The following XPNPEP3 variants were observed in gnomAD, a reference collection of about 807,000 sequenced individuals.
XPNPEP3 encodes X-prolyl aminopeptidase 3.
Under a neutral mutation model 60.0 loss-of-function variants are expected in XPNPEP3, and 41 were observed. The ratio of observed to expected loss-of-function variants is 0.68; its 90% CI spans 0.53 to 0.89. XPNPEP3 has a LOEUF of 0.89. Ranked by LOEUF, XPNPEP3 falls within the 40% of genes least tolerant of loss-of-function variation. XPNPEP3 has a pLI of 0.00. For synonymous variants in XPNPEP3, 212 were observed against 223.2 expected, an observed-to-expected ratio of 0.95 and a Z score of 0.45; for missense variants, 598 against 638.9, an observed-to-expected ratio of 0.94 and a Z score of 0.69.
chr22:40,897,082 A>T (rs975172063), intron 4 of XPNPEP3, among the ~76,000 whole-genome samples: 3 of 125,398 alleles, frequency 2.4e-5, no homozygotes, highest in African/African-American at 9.3e-5. Context: ...CCCAGGCTGG[A>T]GTGCAGTGGC....
rs762723165 is a variant in XPNPEP3, at chr22:40,861,891, T to G, written c.64+4646T>G. ...CTCTGCTTCTTCTTTATTTTCTGGA[T>G]TTTTATCAGGGTGCCATTTAAGTGC... On this transcript the variant is annotated intron_variant, in intron 1 of 9. Coordinates refer to ENST00000357137, the MANE Select transcript of XPNPEP3 (RefSeq NM_022098.4). 5 of 1,614,116 alleles carry G rather than the reference T, an allele frequency of 3.1e-6. No individual in the cohort carries two copies. In the South Asian group the frequency reaches 5.5e-5, roughly 18 times the overall value.
At chr22:40,886,643 G>C (rs1479042627) in intron 4 of XPNPEP3, 128 bp downstream of exon 4, 1 of 800,162 alleles carries the variant, frequency 1.2e-6, no homozygotes, top group East Asian at 2.9e-5. Flanking sequence ...GGCTAACATG[G>C]TGAAACCCCG....
chr22:40,907,468 C>T, intron 4 of XPNPEP3, 119 bp from the exon 5 acceptor site: 1 of 1,050,508 alleles, frequency 9.5e-7, no homozygotes, highest in Non-Finnish European at 1.5e-6. Flanking sequence ...TAGGTCACAA[C>T]TTCAGGCTGA....
chr22:40,864,746 G>C (rs2057969741), intron 1 of XPNPEP3, among the ~76,000 whole-genome samples: 2 of 152,064 alleles, frequency 1.3e-5, no homozygotes, highest in Non-Finnish European at 2.9e-5. Flanking sequence ...CACCCAGCTG[G>C]TCAGCTTCTT....
intron 4 of XPNPEP3, among the ~76,000 whole-genome samples, chr22:40,902,537 A>G (rs931128199): frequency 4.6e-5 from 7 of 151,960 alleles, no homozygotes; most frequent in Admixed American, 3.3e-4. Flanking sequence ...GGCATGAGCC[A>G]CCACACCCAG....
intron 2 of XPNPEP3, among the ~76,000 whole-genome samples, chr22:40,870,604 C>T (rs1305066968): frequency 6.6e-6 from 1 of 152,102 alleles, no homozygotes; most frequent in Non-Finnish European, 1.5e-5. Flanking sequence ...CCATTAGGTA[C>T]AGATTTTTCT....
intron 4 of XPNPEP3, among the ~76,000 whole-genome samples, chr22:40,903,736 C>T (rs1247900738): frequency 6.6e-6 from 1 of 152,194 alleles, no homozygotes; most frequent in East Asian, 1.9e-4. Flanking sequence ...TATCTACCTG[C>T]CTCAGCTTCC....
intron 7 of XPNPEP3, among the ~76,000 whole-genome samples, chr22:40,919,505 TA>T (rs2058208520): frequency 6.6e-6 from 1 of 152,136 alleles, no homozygotes; most frequent in Non-Finnish European, 1.5e-5. Flanking sequence ...GCTGGGATTA[TA>T]GGCACGTGCC....
intron 4 of XPNPEP3, among the ~76,000 whole-genome samples, chr22:40,894,685 C>T (rs904099099): frequency 6.6e-6 from 1 of 152,182 alleles, no homozygotes; most frequent in African/African-American, 2.4e-5. Context: ...GTTCCTCCAC[C>T]CATTTCATAG....
intron 9 of XPNPEP3, 66 bp from the exon 10 acceptor site, chr22:40,926,203 T>C (rs1359710637): frequency 1.9e-6 from 3 of 1,577,256 alleles, no homozygotes; most frequent in African/African-American, 2.7e-5. Flanking sequence ...AGAGGTTAAC[T>C]TACTTGCCCC....
chr22:40,871,263 G>T (rs1763067130), intron 2 of XPNPEP3, among the ~76,000 whole-genome samples: 1 of 152,048 alleles, frequency 6.6e-6, no homozygotes, highest in Admixed American at 6.6e-5. Flanking sequence ...TCAGGTGGGA[G>T]GATTGCATGA....
intron 2 of XPNPEP3, among the ~76,000 whole-genome samples, chr22:40,872,222 T>C (rs1055593993): frequency 1.3e-5 from 2 of 152,206 alleles, no homozygotes; most frequent in Non-Finnish European, 2.9e-5. Context: ...TCTGTGATTT[T>C]ACGGCTAGGT....
chr22:40,910,139 CAAAAAT>C (rs1182184017), intron 6 of XPNPEP3, among the ~76,000 whole-genome samples: 12 of 148,542 alleles, frequency 8.1e-5, no homozygotes, highest in Admixed American at 3.3e-4. Flanking sequence ...AAAAAAAAAA[CAAAAAT>C]AAAAACGAAT....
At chr22:40,891,296 G>A (rs554633355) in intron 4 of XPNPEP3, among the ~76,000 whole-genome samples, 1 of 151,798 alleles carries the variant, frequency 6.6e-6, no homozygotes, top group East Asian at 1.9e-4. Context: ...GGAAGTCAAG[G>A]CTTCAGTAAG....
At chr22:40,868,406 A>C (rs1043663265) in intron 1 of XPNPEP3, among the ~76,000 whole-genome samples, 96 of 151,282 alleles carry the variant, frequency 6.3e-4, no homozygotes, top group Middle Eastern at 6.8e-3. Flanking sequence ...CTCCTTATTC[A>C]TACCTTTATT....
intron 2 of XPNPEP3, among the ~76,000 whole-genome samples, chr22:40,874,554 T>C (rs1432170004): frequency 1.3e-5 from 2 of 152,122 alleles, no homozygotes; most frequent in African/African-American, 4.8e-5. Flanking sequence ...ACCTCCTGAA[T>C]AGCTGGGACT....
chr22:40,896,758 T>C (rs939006085), intron 4 of XPNPEP3, among the ~76,000 whole-genome samples: 1 of 152,204 alleles, frequency 6.6e-6, no homozygotes, highest in Non-Finnish European at 1.5e-5. Flanking sequence ...TTTTTCAGAC[T>C]TTTTTATCAT....
intron 3 of XPNPEP3, among the ~76,000 whole-genome samples, chr22:40,884,105 A>G (rs981930513): frequency 6.6e-6 from 1 of 152,254 alleles, no homozygotes; most frequent in Admixed American, 6.5e-5. Context: ...AATTCTTTTT[A>G]TTTATAGAAA....
At chr22:40,862,162 T>C in intron 1 of XPNPEP3, 7 of 1,426,050 alleles carry the variant, frequency 4.9e-6, no homozygotes, top group Non-Finnish European at 4.6e-6. Context: ...ACTGATTATG[T>C]GGCAAGCAGA....
Sources: allele counts gnomAD v4.1 joint callset (sites outside exome capture counted in the v4.1 genomes callset), GRCh38; gene constraint gnomAD v4.1.1; transcripts MANE v1.5; gene names NCBI Gene and HGNC (gene_info 2026-07-23, HGNC 2026-07-21).